The following TOX3 variants were observed in gnomAD, a reference collection of about 807,000 sequenced individuals.
The protein encoded by TOX3 is CAG trinucleotide repeat-containing gene F9 protein.
Under a neutral mutation model 64.3 loss-of-function variants are expected in TOX3, and 22 were observed. The observed-to-expected ratio is 0.34, with a 90% CI of 0.24 to 0.49. The LOEUF (loss-of-function observed/expected upper bound fraction) is 0.49. Ranked by LOEUF, TOX3 falls within the 20% of genes least tolerant of loss-of-function variation. The pLI is 0.99. For missense variants in TOX3, 661 were observed against 714.4 expected, an observed-to-expected ratio of 0.93 and a Z score of 0.85; for synonymous variants, 291 against 273.6, an observed-to-expected ratio of 1.06 and a Z score of -0.63.
intron 1 of TOX3, among the ~76,000 whole-genome samples, chr16:52,542,250 T>G (rs1963091039): frequency 6.6e-6 from 1 of 152,184 alleles, no homozygotes. Flanking sequence ...TCCATTCTAT[T>G]GAACTGTCTA....
intron 1 of TOX3, among the ~76,000 whole-genome samples, chr16:52,543,450 A>G (rs1963115953): frequency 1.3e-5 from 2 of 152,306 alleles, no homozygotes; most frequent in African/African-American, 4.8e-5. Flanking sequence ...TATTCTGTGT[A>G]TTGTTTTCTT....
At chr16:52,499,796 A>AGAAGCT (rs1423672550) in intron 1 of TOX3, among the ~76,000 whole-genome samples, 5 of 152,232 alleles carry the variant, frequency 3.3e-5, no homozygotes, top group Admixed American at 2.6e-4. Context: ...GGGTGAACAC[A>AGAAGCT]GAAGCTGCTG....
intron 1 of TOX3, among the ~76,000 whole-genome samples, chr16:52,527,226 AAC>A (rs35052754): frequency 0.16 from 24,479 of 152,254 alleles, 2,288 homozygotes; most frequent in Middle Eastern, 0.25. Flanking sequence ...ACTAGAACCA[AAC>A]ACACAAAATA....
In TOX3 at chr16:52,439,549, C is replaced by G. The variant is rs1393148570; in HGVS notation, c.1407G>C (p.Met469Ile). The G allele has an allele frequency of 6.7e-7, 1 of 1,494,688 alleles. No homozygotes were observed. Among genetic ancestry groups the G allele is most frequent in the Non-Finnish European group, 9.2e-7 (1 of 1,091,302 alleles). The allele number at this position is 1,494,688 out of a possible 1,614,324, so 92.6% of individuals were successfully genotyped here. ...GCATCTGCTGCTGGATTTGCTGATG[C>G]ATTTGGTGCTGCTGGAGTTGCTGCT... ...MQQQQLQQHQ[M>I]HQQIQQQMQQ... Residue 469 changes from methionine (M) to isoleucine (I), a missense_variant, in exon 7 of 7, where the codon ATG becomes ATC. By Grantham distance (10) the Met-to-Ile change is conservative. This residue lies in a region of TOX3 where 299 missense variants were observed against 292.1 expected (regional missense o/e 1.02). Coordinates refer to ENST00000219746, the MANE Select transcript of TOX3 (RefSeq NM_001080430.4).
intron 1 of TOX3, among the ~76,000 whole-genome samples, chr16:52,544,155 G>A (rs1963128861): frequency 6.6e-6 from 1 of 152,090 alleles, no homozygotes; most frequent in Non-Finnish European, 1.5e-5. Flanking sequence ...AATAATGTGA[G>A]TATTTTCAAA....
chr16:52,508,038 G>C (rs1429727629), intron 1 of TOX3, among the ~76,000 whole-genome samples: 1 of 152,136 alleles, frequency 6.6e-6, no homozygotes, highest in Non-Finnish European at 1.5e-5. Context: ...CCAAAATATC[G>C]AGCAGTTTTG....
chr16:52,452,315 C>T (rs932812589), intron 3 of TOX3, among the ~76,000 whole-genome samples: 24 of 152,154 alleles, frequency 1.6e-4, no homozygotes, highest in African/African-American at 5.8e-4. Flanking sequence ...TCAATTCCCA[C>T]CTATGAGTGA....
At chr16:52,489,322 A>C (rs1309601719) in intron 1 of TOX3, among the ~76,000 whole-genome samples, 3 of 152,090 alleles carry the variant, frequency 2.0e-5, no homozygotes, top group African/African-American at 4.8e-5. Flanking sequence ...CTATGTGTCC[A>C]TCTCCACATT....
In TOX3 at chr16:52,446,111, G is replaced by A; in HGVS notation, c.789C>T (p.Ala263=). 1.9e-6 allele frequency: 3 copies of A among 1,613,922 alleles called. No individual in the cohort carries two copies. The highest frequency in any genetic ancestry group is 2.5e-6 in the Non-Finnish European group (3 of 1,179,832). Residue 263 remains alanine (A), a synonymous_variant, in exon 5 of 7, where the codon GCC becomes GCT. Transcript: ENST00000219746. Reference sequence around the variant, plus strand: ...CAGCCTGTGTGTCTCTGAAAAACAGGGCATATGCTGACACTGGCTTCTGTG... The same window carrying A: ...CAGCCTGTGTGTCTCTGAAAAACAGAGCATATGCTGACACTGGCTTCTGTG... The part of the protein sequence containing the change: ...NEPQKPVSAY[A]LFFRDTQAAI...
intron 1 of TOX3, among the ~76,000 whole-genome samples, chr16:52,530,505 T>G (rs1183478870): frequency 1.3e-5 from 2 of 152,154 alleles, no homozygotes; most frequent in Non-Finnish European, 2.9e-5. Flanking sequence ...CCCGGCTACT[T>G]TTTATATTTG....
intron 1 of TOX3, among the ~76,000 whole-genome samples, chr16:52,505,891 G>A (rs1962149088): frequency 6.6e-6 from 1 of 152,160 alleles, no homozygotes. Flanking sequence ...TGGGAGGATT[G>A]ATTGAGCCCA....
intron 2 of TOX3, among the ~76,000 whole-genome samples, chr16:52,465,470 GTT>G (rs34739813): frequency 0.025 from 2,571 of 103,922 alleles, 23 homozygotes; most frequent in Non-Finnish European, 0.035. Flanking sequence ...TTTCTTTTTG[GTT>G]TTTTTTTTTT....
intron 1 of TOX3, among the ~76,000 whole-genome samples, chr16:52,511,798 G>A (rs977214834): frequency 2.6e-5 from 4 of 152,146 alleles, no homozygotes; most frequent in Admixed American, 6.5e-5. Flanking sequence ...TTTGAGAACC[G>A]TTAGCCTATA....
intron 1 of TOX3, among the ~76,000 whole-genome samples, chr16:52,499,054 G>A (rs1016433768): frequency 6.6e-6 from 1 of 152,188 alleles, no homozygotes; most frequent in East Asian, 1.9e-4. Context: ...CATAATAAGA[G>A]AGGTGCTGAT....
At chr16:52,521,830 A>G (rs8046979) in intron 1 of TOX3, among the ~76,000 whole-genome samples, 92,170 of 152,088 alleles carry the variant, frequency 0.61, 30,573 homozygotes, top group African/African-American at 0.89. Context: ...GAGCGGCAAC[A>G]TGGATTCTAA....
intron 1 of TOX3, among the ~76,000 whole-genome samples, chr16:52,525,155 T>A (rs1962701909): frequency 1.3e-5 from 2 of 152,204 alleles, no homozygotes; most frequent in Non-Finnish European, 2.9e-5. Context: ...ATAAAATGAC[T>A]TGAGAACCTT....
intron 1 of TOX3, among the ~76,000 whole-genome samples, chr16:52,512,189 G>A (rs947580810): frequency 2.0e-5 from 3 of 152,068 alleles, no homozygotes; most frequent in African/African-American, 7.2e-5. Flanking sequence ...GACATATTCT[G>A]GTAAAGACAC....
chr16:52,492,515 A>G (rs1596823155), intron 1 of TOX3, among the ~76,000 whole-genome samples: 1 of 141,772 alleles, frequency 7.1e-6, no homozygotes, highest in African/African-American at 2.6e-5. Flanking sequence ...AATATTATAT[A>G]TTAGTTTGAA....
chr16:52,510,538 T>C (rs1362544), intron 1 of TOX3, among the ~76,000 whole-genome samples: 24,552 of 151,812 alleles, frequency 0.16, 2,299 homozygotes, highest in Middle Eastern at 0.26. Context: ...GGCAGATCAC[T>C]TGAGGTCAGA....
Sources: allele counts gnomAD v4.1 joint callset (sites outside exome capture counted in the v4.1 genomes callset), GRCh38; gene constraint gnomAD v4.1.1; regional missense constraint gnomAD v4.1.1; transcripts MANE v1.5; gene names NCBI Gene and HGNC (gene_info 2026-07-23, HGNC 2026-07-21).